Variants in DPH6 observed in about 807,000 individuals in gnomAD.
DPH6 encodes diphthine--ammonia ligase.
In DPH6, 33 loss-of-function variants were observed where a neutral mutation model predicts 38.2. That is an observed-to-expected ratio of 0.86 (90% CI 0.65 to 1.15). The LOEUF is 1.15. DPH6 is among the 50% of genes most tolerant of loss of function. The probability of loss-of-function intolerance (pLI) is 0.00; values close to 1 mark genes in which losing one functional copy is unlikely to be tolerated. For synonymous variants in DPH6, 108 were observed against 103.0 expected (o/e 1.05, Z -0.30); for missense variants, 325 against 320.0 (o/e 1.02, Z -0.12).
At chr15:35,273,348 T>A (rs1221467155) in intron 3 of DPH6, among the ~76,000 whole-genome samples, 1 of 152,286 alleles carries the variant, frequency 6.6e-6, no homozygotes, top group Admixed American at 6.5e-5. Flanking sequence ...GTCCATTGTA[T>A]CATTCTTACG....
the DPH6 span, among the ~76,000 whole-genome samples, chr15:35,204,861 A>AGTT: frequency 6.6e-6 from 1 of 151,962 alleles, no homozygotes; most frequent in Admixed American, 6.6e-5. Context: ...TTGTTTGGTT[A>AGTT]TTCAAAGTAA....
chr15:35,401,442 C>A, intron 6 of DPH6: 1 of 774,466 alleles, frequency 1.3e-6, no homozygotes, highest in South Asian at 1.4e-5. Context: ...CTGGAGGAAG[C>A]AGGGGCTATG....
At chr15:35,171,734 C>T in the DPH6 span, among the ~76,000 whole-genome samples, 2 of 151,950 alleles carry the variant, frequency 1.3e-5, no homozygotes, top group African/African-American at 4.8e-5. Context: ...TTTTGAAATA[C>T]TTGGGAATAC....
the DPH6 span, among the ~76,000 whole-genome samples, chr15:35,202,312 G>C: frequency 3.9e-4 from 59 of 151,684 alleles, no homozygotes; most frequent in African/African-American, 1.3e-3. Context: ...GAAGATCAAG[G>C]ATGGTGGCTA....
At chr15:35,252,841 T>C (rs2589535) in intron 3 of DPH6, among the ~76,000 whole-genome samples, 98,200 of 152,150 alleles carry the variant, frequency 0.65, 33,385 homozygotes, top group Non-Finnish European at 0.77. Context: ...GTATAGTTCT[T>C]AAACTGTAAT....
At chr15:35,197,313 T>C in the DPH6 span, among the ~76,000 whole-genome samples, 1 of 152,240 alleles carries the variant, frequency 6.6e-6, no homozygotes, top group Non-Finnish European at 1.5e-5. Context: ...GCCTTTCATA[T>C]GGATATTTCT....
chr15:35,371,291 A>G lies in DPH6; in HGVS notation c.*859T>C, dbSNP rs2052710627. On this transcript the variant is annotated 3_prime_UTR_variant, in exon 9 of 9. Coordinates refer to ENST00000256538, the MANE Select transcript of DPH6 (RefSeq NM_080650.4). ...TATAACGGTTGACAAATGTCATTAC[A>G]CATTTGTCAAAACCCATATTATGTA... is the stretch of plus-strand genomic sequence containing the variant. 1 of 152,000 alleles carries G rather than the reference A, an allele frequency of 6.6e-6. No homozygotes were observed. Among genetic ancestry groups the G allele is most frequent in the African/African-American group, 2.4e-5 (1 of 41,400 alleles). 9.4% of individuals were successfully genotyped at this position (152,000 alleles called of 1,614,324 possible).
At chr15:35,401,817 GACAGCGAA>G (rs1656840326) in intron 6 of DPH6, 1 of 570,868 alleles carries the variant, frequency 1.8e-6, no homozygotes, top group African/African-American at 1.9e-5. Flanking sequence ...CAGAGAAGTT[GACAGCGAA>G]ACTACAGGTT....
intron 3 of DPH6, among the ~76,000 whole-genome samples, chr15:35,303,323 A>G (rs1161653172): frequency 6.6e-6 from 1 of 151,674 alleles, no homozygotes; most frequent in African/African-American, 2.4e-5. Flanking sequence ...TAAATATAAA[A>G]TATTTTAAAA....
At chr15:35,167,451 CAA>C in the DPH6 span, among the ~76,000 whole-genome samples, 1 of 150,040 alleles carries the variant, frequency 6.7e-6, no homozygotes, top group Non-Finnish European at 1.5e-5. Context: ...AAAAAAATGA[CAA>C]AATTAAAAAA....
intron 5 of DPH6, among the ~76,000 whole-genome samples, chr15:35,437,302 AT>A (rs757770322): frequency 2.0e-5 from 3 of 152,076 alleles, no homozygotes. Flanking sequence ...TTTGAAAAAA[AT>A]GTCTTCTTTT....
intron 3 of DPH6, among the ~76,000 whole-genome samples, chr15:35,517,056 GAATT>G (rs1428414688): frequency 5.9e-5 from 9 of 151,642 alleles, no homozygotes; most frequent in Non-Finnish European, 1.2e-4. Context: ...AAAGAAAACA[GAATT>G]AATAAAATAT....
chr15:35,371,460 G>T lies in DPH6; in HGVS notation c.*690C>A. 2.1e-6 allele frequency: 1 copy of T among 475,310 alleles called. No individual in the cohort carries two copies. Among genetic ancestry groups the T allele is most frequent in the Non-Finnish European group, 2.7e-6 (1 of 364,534 alleles). 29.4% of individuals were successfully genotyped at this position (475,310 alleles called of 1,614,324 possible). A position where few individuals can be genotyped will look rare whatever the true frequency, so the allele number is the denominator to read the frequency against. On this transcript the variant is annotated 3_prime_UTR_variant, in exon 9 of 9. Transcript: ENST00000256538. The stretch of plus-strand genomic sequence containing the variant: ...AGGCTGTGAATGTGTGGAGGTAGAG[G>T]GTATATGGGAAATCTCTGCATTTTC...
intron 3 of DPH6, among the ~76,000 whole-genome samples, chr15:35,461,918 A>G (rs899851542): frequency 2.0e-5 from 3 of 152,172 alleles, no homozygotes; most frequent in African/African-American, 7.2e-5. Flanking sequence ...ACACTTTTGA[A>G]TTCTGAGTTA....
chr15:35,395,275 G>A (rs1016943388), intron 6 of DPH6, among the ~76,000 whole-genome samples: 3 of 151,872 alleles, frequency 2.0e-5, no homozygotes, highest in Non-Finnish European at 4.4e-5. Context: ...GTTAAATACC[G>A]TGAGCTCTCA....
chr15:35,459,681 G>A (rs1167292672), intron 3 of DPH6, among the ~76,000 whole-genome samples: 1 of 152,076 alleles, frequency 6.6e-6, no homozygotes, highest in Admixed American at 6.5e-5. Flanking sequence ...GAAGACACCG[G>A]GGGTACACCA....
downstream of DPH6, among the ~76,000 whole-genome samples, chr15:35,329,655 C>T (rs1463710792): frequency 1.3e-5 from 2 of 152,112 alleles, no homozygotes; most frequent in Admixed American, 6.6e-5. Context: ...AGCAGATGAT[C>T]AGTTCTGTTC....
At chr15:35,298,744 GC>G (rs1212955159) in intron 3 of DPH6, 7 of 1,553,476 alleles carry the variant, frequency 4.5e-6, no homozygotes, top group Non-Finnish European at 5.3e-6. Context: ...GCGCCACCGT[GC>G]CCCCCAAGTT....
intron 3 of DPH6, among the ~76,000 whole-genome samples, chr15:35,365,564 T>C (rs184150056): frequency 6.6e-6 from 1 of 152,160 alleles, no homozygotes; most frequent in Admixed American, 6.5e-5. Context: ...TAGGTAAATA[T>C]AAAAGCTAAA....
Sources: gnomAD v4.1 joint callset for allele counts (sites outside exome capture counted in the v4.1 genomes callset) on GRCh38, gnomAD v4.1.1 for gene constraint, MANE v1.5 for transcripts, NCBI Gene and HGNC (gene_info 2026-07-23, HGNC 2026-07-21) for gene names.